ADPRHL1: variants seen among roughly 807,000 people sequenced by gnomAD.
The protein encoded by ADPRHL1 is inactive ADP-ribosyltransferase ARH2.
In ADPRHL1, 43 loss-of-function variants were observed where a neutral mutation model predicts 44.1. The ratio of observed to expected loss-of-function variants is 0.98; its 90% confidence interval spans 0.76 to 1.26. ADPRHL1 has a LOEUF of 1.26. Ranked by LOEUF, ADPRHL1 falls within the 50% of genes most tolerant of loss-of-function variation. The probability of loss-of-function intolerance (pLI) is 0.00; values close to 1 mark genes in which losing one functional copy is unlikely to be tolerated. For missense variants in ADPRHL1, 2,022 were observed against 2,496.9 expected (o/e 0.81, Z 4.05); for synonymous variants, 878 against 1,017.4 (o/e 0.86, Z 2.61).
At chr13:113,436,867 C>T (rs1212841325) in intron 2 of ADPRHL1, among the ~76,000 whole-genome samples, 1 of 135,720 alleles carries the variant, frequency 7.4e-6, no homozygotes, top group East Asian at 2.3e-4. Context: ...GGACCCGGCA[C>T]CCAGGTGTAG....
chr13:113,434,005 G>A, intron 2 of ADPRHL1, 138 bp from the exon 3 acceptor site: 1 of 1,298,172 alleles, frequency 7.7e-7, no homozygotes, highest in South Asian at 1.6e-5. Context: ...AAATGAGCGA[G>A]CCATGGGCAG....
intron 7 of ADPRHL1, among the ~76,000 whole-genome samples, chr13:113,415,109 G>A (rs547144643): frequency 6.6e-6 from 1 of 152,192 alleles, no homozygotes; most frequent in African/African-American, 2.4e-5. Context: ...GGGAGGGGCC[G>A]TTTGGCAGCT....
At chr13:113,411,135 C>T (rs2043849797) in intron 7 of ADPRHL1, among the ~76,000 whole-genome samples, 1 of 152,206 alleles carries the variant, frequency 6.6e-6, no homozygotes, top group Non-Finnish European at 1.5e-5. Flanking sequence ...CCACATCCCT[C>T]GCTGATGGCT....
chr13:113,447,171 G>A (rs1595557171), intron 1 of ADPRHL1, among the ~76,000 whole-genome samples: 1 of 66,096 alleles, frequency 1.5e-5, no homozygotes, highest in East Asian at 3.1e-4. Context: ...TCACGGTGTT[G>A]TGTGTGCATG....
chr13:113,425,553 G>A (rs1377857945), intron 4 of ADPRHL1, among the ~76,000 whole-genome samples: 1 of 151,930 alleles, frequency 6.6e-6, no homozygotes, highest in Non-Finnish European at 1.5e-5. Flanking sequence ...TGTATTTTTA[G>A]TAGAGACGAG....
At chr13:113,417,415 C>T (rs9549410) in intron 7 of ADPRHL1, among the ~76,000 whole-genome samples, 65,484 of 152,166 alleles carry the variant, frequency 0.43, 14,578 homozygotes, top group Middle Eastern at 0.5. Flanking sequence ...CCCTGGGGAC[C>T]GCCCCTGTGG....
chr13:113,449,346 CTGTT>C (rs2044164008), intron 1 of ADPRHL1: 1 of 444,378 alleles, frequency 2.3e-6, no homozygotes, highest in East Asian at 1.6e-4. Context: ...GGAGGGAGCC[CTGTT>C]CAGAGAGACA....
In ADPRHL1 at chr13:113,404,587, CT is replaced by C; in HGVS notation, c.4694del (p.Gln1565ArgfsTer58). The part of the protein sequence containing the change: ...QAQWQTQIEA[Q>X]GQAQEPAQGG... Reference sequence around the variant, plus strand: ...CCTGAGCTGGTTCCTGTGCCTGCCCCTGGGCCTCTATCTGGGTCTGCCACTG... The same window carrying C: ...CCTGAGCTGGTTCCTGTGCCTGCCCCGGGCCTCTATCTGGGTCTGCCACTG... On this transcript the variant is annotated frameshift_variant, in exon 8 of 8. Transcript: ENST00000612156. LOFTEE classifies it low-confidence loss of function (END_TRUNC). 2 of 1,294,460 alleles carry C rather than the reference CT, an allele frequency of 1.5e-6. No individual in the cohort carries two copies. The highest frequency in any genetic ancestry group is 2.0e-6 in the Non-Finnish European group (2 of 1,025,630). The allele number at this position is 1,294,460 out of a possible 1,614,324, so 80.2% of individuals were successfully genotyped here.
rs955246109 is a variant in ADPRHL1, at chr13:113,409,124, G to T, written c.1062-904C>A. The stretch of plus-strand genomic sequence containing the variant: ...GTTCACCAGGGATTCCTTCCCACCA[G>T]CCCAGCTTTCAAAGAGACGGGACCA... On this transcript the variant is annotated intron_variant, in intron 7 of 7. Coordinates refer to ENST00000612156, the MANE Select transcript of ADPRHL1 (RefSeq NM_001394807.1). The surrounding 1 kb of genome is among the most constrained non-coding windows in gnomAD (Gnocchi z 4.2). 6.6e-6 allele frequency among the ~76,000 whole-genome samples: 1 copy of T among 152,210 alleles called. No individual in the cohort carries two copies. The highest frequency in any genetic ancestry group is 1.9e-4 in the East Asian group (1 of 5,188).
intron 3 of ADPRHL1, 140 bp from the exon 4 acceptor site, chr13:113,429,232 G>A: frequency 8.5e-7 from 1 of 1,175,142 alleles, no homozygotes; most frequent in Admixed American, 2.3e-5. Context: ...GCACAGTTCG[G>A]CGGCATTAAC....
intron 2 of ADPRHL1, among the ~76,000 whole-genome samples, chr13:113,439,708 A>G (rs972665328): frequency 2.0e-5 from 3 of 152,076 alleles, no homozygotes; most frequent in Non-Finnish European, 4.4e-5. Flanking sequence ...TTGGCCTCCT[A>G]AAGTGCTGGG....
intron 2 of ADPRHL1, among the ~76,000 whole-genome samples, chr13:113,435,273 CACGCATAGAGTGAACAT>C (rs2044043709): frequency 3.3e-5 from 2 of 60,182 alleles, no homozygotes; most frequent in African/African-American, 6.2e-5. Context: ...ACCCGGCACC[CACGCATAGAGTGAACAT>C]AGGTGTACCC....
Position 113,450,898 on chromosome 13 carries a change from C to T in ADPRHL1, c.214+2326G>A, listed in dbSNP as rs546678658. Among the ~76,000 whole-genome samples the T allele has an allele frequency of 5.3e-5, 8 of 152,204 alleles. No individual in the cohort carries two copies. The South Asian group carries it at 1.7e-3, about 32-fold the overall frequency. ...CGGGCGAGCCTGACTCATGTCAGGCCCTCCACAAGAGGTGGAAGAGCAGTC... is the reference window on the plus strand; with the variant it reads ...CGGGCGAGCCTGACTCATGTCAGGCTCTCCACAAGAGGTGGAAGAGCAGTC... On this transcript the variant is annotated intron_variant, in intron 1 of 7. Transcript: ENST00000612156.
Position 113,409,953 on chromosome 13 carries a change from G to GAAC in ADPRHL1, c.1062-1736_1062-1734dup. 1 of 982,164 alleles carries GAAC rather than the reference G, an allele frequency of 1.0e-6. No homozygotes were observed. Among genetic ancestry groups the GAAC allele is most frequent in the Non-Finnish European group, 1.2e-6 (1 of 827,404 alleles). 60.8% of individuals were successfully genotyped at this position (982,164 alleles called of 1,614,324 possible). On this transcript the variant is annotated intron_variant, in intron 7 of 7. Transcript: ENST00000612156. The surrounding 1 kb of genome is among the most constrained non-coding windows in gnomAD (Gnocchi z 4.2). ...GAAAAGAGACCGGAAGGAAATGTGT[G>GAAC]AACATACTTCTCTTTTTGTGTTTGT... is the stretch of plus-strand genomic sequence containing the variant.
rs1163042089 is a variant in ADPRHL1 at position 113,424,332 on chromosome 13, G to A, written c.792C>T (p.Ser264=). The A allele has an allele frequency of 6.2e-7, 1 of 1,612,764 alleles. No individual in the cohort carries two copies. Among genetic ancestry groups the A allele is most frequent in the East Asian group, 2.2e-5 (1 of 44,862 alleles). ...EEREKTYRKW[S]SEGRGGRRGH... The stretch of plus-strand genomic sequence containing the variant: ...CTCGTCTTCCCCCTCGACCTTCCGA[G>A]CTCCACTTCCTGTAGGTCTGACAAG... Residue 264 remains serine (S), a synonymous_variant, in exon 6 of 8, where the codon AGC becomes AGT. Coordinates refer to ENST00000612156, the MANE Select transcript of ADPRHL1 (RefSeq NM_001394807.1).
chr13:113,429,324 C>A, intron 3 of ADPRHL1, among the ~76,000 whole-genome samples: 1 of 152,242 alleles, frequency 6.6e-6, no homozygotes, highest in Non-Finnish European at 1.5e-5. Flanking sequence ...ACTCCACTCA[C>A]CCCACCGCCC....
intron 7 of ADPRHL1, among the ~76,000 whole-genome samples, chr13:113,408,693 A>T (rs9549772): frequency 0.15 from 22,485 of 152,242 alleles, 1,972 homozygotes; most frequent in African/African-American, 0.24. Flanking sequence ...AAATTCTGCC[A>T]TGATCCCAGG....
intron 6 of ADPRHL1, 65 bp downstream of exon 6, chr13:113,424,152 G>C: frequency 6.3e-7 from 1 of 1,594,700 alleles, no homozygotes; most frequent in Non-Finnish European, 8.5e-7. Flanking sequence ...AGGACACTCC[G>C]AGGGGGTGCT....
chr13:113,427,976 A>G (rs1285346612), intron 4 of ADPRHL1, among the ~76,000 whole-genome samples: 1 of 152,210 alleles, frequency 6.6e-6, no homozygotes, highest in African/African-American at 2.4e-5. Context: ...TGTTTCTAGA[A>G]GACTTCAGAC....
Sources: gnomAD v4.1 joint callset for allele counts (sites outside exome capture counted in the v4.1 genomes callset) on GRCh38, gnomAD v4.1.1 for gene constraint, Gnocchi (gnomAD v3.1) non-coding constraint, MANE v1.5 for transcripts, NCBI Gene and HGNC (gene_info 2026-07-23, HGNC 2026-07-21) for gene names.